ZNF594: variants seen among roughly 807,000 people sequenced by gnomAD.
ZNF594 encodes the protein zinc finger protein HZF18.
For missense variants in ZNF594, 1,037 were observed against 964.6 expected (o/e 1.08, Z -0.99); for synonymous variants, 336 against 309.4 (o/e 1.09, Z -0.90).
downstream of ZNF594, among the ~76,000 whole-genome samples, chr17:5,175,932 G>A (rs953814750): frequency 6.6e-6 from 1 of 152,130 alleles, no homozygotes; most frequent in African/African-American, 2.4e-5. Flanking sequence ...CACAAACCCT[G>A]GCACAGTTGC....
At chr17:5,176,959 G>C (rs1290361352), downstream of ZNF594, among the ~76,000 whole-genome samples, 1 of 151,740 alleles carries the variant, frequency 6.6e-6, no homozygotes, top group Non-Finnish European at 1.5e-5. Flanking sequence ...ACTTTGAGAG[G>C]CCGAGGCAGG....
chr17:5,189,223 G>A (rs568071868), intron 1 of ZNF594, among the ~76,000 whole-genome samples: 23 of 151,268 alleles, frequency 1.5e-4, no homozygotes, highest in African/African-American at 5.6e-4. Context: ...TGGGGTTATA[G>A]GTGTGAGCCA....
rs2074335659 is a variant in ZNF594 at position 5,181,072 on chromosome 17, C to G, written c.*761G>C. 1 of 1,355,830 alleles carries G rather than the reference C, an allele frequency of 7.4e-7. No homozygotes were observed. Among genetic ancestry groups the G allele is most frequent in the Non-Finnish European group, 1.0e-6 (1 of 956,124 alleles). The allele number at this position is 1,355,830 out of a possible 1,614,324, so 84.0% of individuals were successfully genotyped here. A position where few individuals can be genotyped will look rare whatever the true frequency, so the allele number is the denominator to read the frequency against. On this transcript the variant is annotated 3_prime_UTR_variant, in exon 2 of 2. Coordinates refer to ENST00000575779, the MANE Select transcript of ZNF594 (RefSeq NM_032530.2). ...CAGTTGCTACATTCAAAGGGTTTCTCTCTGGTATGAATTCTTTGATGACTG... is the reference window on the plus strand; with the variant it reads ...CAGTTGCTACATTCAAAGGGTTTCTGTCTGGTATGAATTCTTTGATGACTG...
In ZNF594 at chr17:5,183,532, T is replaced by C; in HGVS notation, c.725A>G (p.Asn242Ser). Residue 242 changes from asparagine (N) to serine (S), a missense_variant, in exon 2 of 2, where the codon AAT becomes AGT. Physicochemically the swap from Asn to Ser is conservative, Grantham distance 46. Coordinates refer to ENST00000575779, the MANE Select transcript of ZNF594 (RefSeq NM_032530.2). Reference protein sequence around the residue: ...IHSRGKPYLCNKCGKAFSQST... With the variant: ...IHSRGKPYLCSKCGKAFSQST... Reference sequence around the variant, plus strand: ...TTGACTGAAAGCCTTCCCACATTTATTGCATAAATATGGCTTCCCCCTACT... The same window carrying C: ...TTGACTGAAAGCCTTCCCACATTTACTGCATAAATATGGCTTCCCCCTACT... 6.2e-7 allele frequency: 1 copy of C among 1,614,226 alleles called. No homozygotes were observed. The highest frequency in any genetic ancestry group is 1.1e-5 in the South Asian group (1 of 91,090).
rs2074339058 is a variant in ZNF594, at chr17:5,181,408, C to G, written c.*425G>C. On this transcript the variant is annotated 3_prime_UTR_variant, in exon 2 of 2. Transcript: ENST00000575779. ...CACTGATTACACCAATAAGCTTTCT[C>G]TTCTTGGTGAATTTTCTGCTCTCCC... The G allele has an allele frequency of 6.2e-7, 1 of 1,613,124 alleles. No individual in the cohort carries two copies. The highest frequency in any genetic ancestry group is 8.5e-7 in the Non-Finnish European group (1 of 1,179,328).
Position 5,182,166 on chromosome 17 carries a change from T to A in ZNF594, c.2091A>T (p.Gln697His). The A allele has an allele frequency of 1.2e-6, 2 of 1,613,650 alleles. No individual in the cohort carries two copies. Among genetic ancestry groups the A allele is most frequent in the Non-Finnish European group, 1.7e-6 (2 of 1,179,996 alleles). The change falls in exon 2 of 2, where the codon CAA (glutamine) becomes CAT (histidine). Residue 697 changes from glutamine to histidine, a missense_variant. Gln to His is a conservative substitution (Grantham distance 24). Coordinates refer to ENST00000575779, the MANE Select transcript of ZNF594 (RefSeq NM_032530.2). ...TCTCACCACTATGAAGTCTCCGATGTTGAATAAGGAGGGAACGCCGCCTGA... is the reference window on the plus strand; with the variant it reads ...TCTCACCACTATGAAGTCTCCGATGATGAATAAGGAGGGAACGCCGCCTGA... The part of the protein sequence containing the change: ...NAFRRRSLLI[Q>H]HRRLHSGEKP...
chr17:5,174,615 C>T, downstream of ZNF594: 1 of 195,122 alleles, frequency 5.1e-6, no homozygotes, highest in East Asian at 8.1e-5. Flanking sequence ...TCCATTCCTA[C>T]CTGGACATGT....
rs975169640 is a variant in ZNF594 at position 5,179,919 on chromosome 17, G to C, written c.*1914C>G. ...ATAATCTTTTAAGACACAGGACATA[G>C]GGGAGTAAAAAGAAGGCCTTGGTGA... On this transcript the variant is annotated 3_prime_UTR_variant, in exon 2 of 2. Coordinates refer to ENST00000575779, the MANE Select transcript of ZNF594 (RefSeq NM_032530.2). 1 of 151,974 alleles carries C rather than the reference G, an allele frequency of 6.6e-6. No homozygotes were observed. Among genetic ancestry groups the C allele is most frequent in the African/African-American group, 2.4e-5 (1 of 41,356 alleles). The allele number at this position is 151,974 out of a possible 1,614,324, so 9.4% of individuals were successfully genotyped here. A position where few individuals can be genotyped will look rare whatever the true frequency, so the allele number is the denominator to read the frequency against.
intron 1 of ZNF594, among the ~76,000 whole-genome samples, chr17:5,184,992 T>C (rs1445581346): frequency 6.6e-6 from 1 of 152,198 alleles, no homozygotes; most frequent in East Asian, 1.9e-4. Flanking sequence ...ATAAAAACGT[T>C]TGGCTGTCAT....
Position 5,181,642 on chromosome 17 carries a change from A to G in ZNF594, c.*191T>C. 2 of 1,585,466 alleles carry G rather than the reference A, an allele frequency of 1.3e-6. No individual in the cohort carries two copies. The highest frequency in any genetic ancestry group is 1.7e-6 in the Non-Finnish European group (2 of 1,154,096). On this transcript the variant is annotated 3_prime_UTR_variant, in exon 2 of 2. Coordinates refer to ENST00000575779, the MANE Select transcript of ZNF594 (RefSeq NM_032530.2). ...GCTTTTTCACATTCAGTGCACTGAT[A>G]GGGCTTCTCTCCAGTGTGGATTTTC... is the stretch of plus-strand genomic sequence containing the variant.
At chr17:5,190,666 AG>A (rs1001583673) in intron 1 of ZNF594, among the ~76,000 whole-genome samples, 3 of 152,202 alleles carry the variant, frequency 2.0e-5, no homozygotes, top group Non-Finnish European at 4.4e-5. Flanking sequence ...CAATCCGGGA[AG>A]GCTTCCCAAA....
chr17:5,175,069 C>T (rs1253044081), downstream of ZNF594: 1 of 175,968 alleles, frequency 5.7e-6, no homozygotes, highest in Non-Finnish European at 1.2e-5. Flanking sequence ...TGTTTTAATT[C>T]TCCTACTTGA....
In ZNF594 at chr17:5,183,184, C is replaced by T; in HGVS notation, c.1073G>A (p.Ser358Asn). 3 of 1,614,168 alleles carry T rather than the reference C, an allele frequency of 1.9e-6. 1 individual carries two copies. Among genetic ancestry groups the T allele is most frequent in the Middle Eastern group, 1.6e-4 (1 of 6,062 alleles). Residue 358 changes from serine (S) to asparagine (N), a missense_variant, in exon 2 of 2, where the codon AGC (serine) becomes AAC (asparagine). By Grantham distance (46) the Ser-to-Asn change is conservative. Transcript: ENST00000575779. ...CTCTTCCCTAAGCTCCTCATCCTTG[C>T]TGAAGGTTTTCTCACATTCTTCAAT... ...EKIEECEKTF[S>N]KDEELREEQR... is the part of the protein sequence containing the mutation.
intron 1 of ZNF594, among the ~76,000 whole-genome samples, chr17:5,188,267 CTT>C (rs71151844): frequency 0.22 from 29,402 of 134,676 alleles, 3,003 homozygotes; most frequent in Middle Eastern, 0.27. Context: ...AAAGGCTGCC[CTT>C]TTTTTTTTTT....
chr17:5,181,939 C>T lies in ZNF594; in HGVS notation c.2318G>A (p.Ser773Asn), dbSNP rs2074344640. Residue 773 changes from serine (S) to asparagine (N), a missense_variant, in exon 2 of 2, where the codon AGC (serine) becomes AAC (asparagine). Transcript: ENST00000575779. ...TACCTGATGTCTGATGAGATCTGAG[C>T]TGCCCTGGAAGGTCCTACTACACTG... ...CNQCSRTFQG[S>N]SDLIRHQVTH... is the part of the protein sequence containing the mutation. 2.5e-6 allele frequency: 4 copies of T among 1,613,852 alleles called. No homozygotes were observed. The highest frequency in any genetic ancestry group is 3.4e-6 in the Non-Finnish European group (4 of 1,180,036).
chr17:5,187,806 G>GTTATTATTACT (rs1352942184), intron 1 of ZNF594, among the ~76,000 whole-genome samples: 1 of 151,422 alleles, frequency 6.6e-6, no homozygotes, highest in Admixed American at 6.6e-5. Context: ...GTCAGCTGCT[G>GTTATTATTACT]TTATTATTAC....
rs2074362470 is a variant in ZNF594 at position 5,183,388 on chromosome 17, G to A, written c.869C>T (p.Thr290Ile). 1 of 1,613,734 alleles carries A rather than the reference G, an allele frequency of 6.2e-7. No homozygotes were observed. Among genetic ancestry groups the A allele is most frequent in the Non-Finnish European group, 8.5e-7 (1 of 1,180,034 alleles). The part of the protein sequence containing the change: ...SHLVPHQRIH[T>I]GEKPLKCNEC... ...ATTACATTTGAGGGGTTTCTCTCCA[G>A]TGTGAATTCTCTGATGTGGGACAAG... The change falls in exon 2 of 2, where the codon ACT becomes ATT. Residue 290 changes from threonine (T) to isoleucine (I), a missense_variant. Transcript: ENST00000575779.
At chr17:5,190,636 T>C (rs187341934) in intron 1 of ZNF594, among the ~76,000 whole-genome samples, 4 of 152,342 alleles carry the variant, frequency 2.6e-5, no homozygotes, top group Non-Finnish European at 5.9e-5. Context: ...ATGAATTAGA[T>C]GCTAAAAGCG....
the ZNF594 span, chr17:5,174,109 T>A: frequency 1.5e-5 from 3 of 202,356 alleles, no homozygotes; most frequent in African/African-American, 2.3e-5. Flanking sequence ...CTGGTTTTTT[T>A]ATTTTGATAT....
Sources: allele counts gnomAD v4.1 joint callset (sites outside exome capture counted in the v4.1 genomes callset), GRCh38; gene constraint gnomAD v4.1.1; transcripts MANE v1.5; gene names NCBI Gene and HGNC (gene_info 2026-07-23, HGNC 2026-07-21).